Variants in RBFOX1 observed in about 807,000 individuals in gnomAD.
RBFOX1 encodes RNA binding protein fox-1 homolog 1.
In RBFOX1, 8 loss-of-function variants were observed where a neutral mutation model predicts 57.7. The ratio of observed to expected loss-of-function variants is 0.14; its 90% confidence interval spans 0.08 to 0.25. The LOEUF (loss-of-function observed/expected upper bound fraction) is 0.25. Among genes scored for constraint, RBFOX1 ranks in the 10% least tolerant of loss-of-function variants. The pLI, the probability that RBFOX1 is intolerant of heterozygous loss-of-function variation, is 1.00. For missense variants in RBFOX1, 611 were observed against 548.5 expected (o/e 1.11, Z -1.14); for synonymous variants, 326 against 222.4 (o/e 1.47, Z -4.15).
At chr16:6,141,315 G>C (rs9935783) in intron 1 of RBFOX1, among the ~76,000 whole-genome samples, 1 of 152,034 alleles carries the variant, frequency 6.6e-6, no homozygotes, top group African/African-American at 2.4e-5. Context: ...TTACAAGGGC[G>C]ATACGGAAGA....
At chr16:5,341,643 T>G (rs569219608) in intron 1 of RBFOX1, among the ~76,000 whole-genome samples, 1 of 152,340 alleles carries the variant, frequency 6.6e-6, no homozygotes, top group Non-Finnish European at 1.5e-5. Context: ...TTTAATGCTC[T>G]GCTTTTGCCA....
chr16:6,518,730 C>T (rs985690796), intron 2 of RBFOX1, among the ~76,000 whole-genome samples: 2 of 151,768 alleles, frequency 1.3e-5, no homozygotes, highest in Admixed American at 1.3e-4. Context: ...TCCATCCATC[C>T]ATCCATCTAT....
intron 3 of RBFOX1, among the ~76,000 whole-genome samples, chr16:6,764,804 A>G (rs2077098943): frequency 6.6e-6 from 1 of 151,932 alleles, no homozygotes; most frequent in Admixed American, 6.6e-5. Flanking sequence ...AGGCATGGTG[A>G]CGGGTGCCTG....
intron 4 of RBFOX1, among the ~76,000 whole-genome samples, chr16:7,444,618 A>T (rs540546668): frequency 2.0e-5 from 3 of 151,914 alleles, no homozygotes; most frequent in Non-Finnish European, 4.4e-5. Context: ...CTGCAGCCTC[A>T]ACCTCCCAGG....
At chr16:7,386,696 A>G (rs1293494962) in intron 4 of RBFOX1, among the ~76,000 whole-genome samples, 1 of 152,102 alleles carries the variant, frequency 6.6e-6, no homozygotes, top group Non-Finnish European at 1.5e-5. Context: ...ATACGTGTGC[A>G]TGTATCTTTA....
At chr16:5,380,362 G>C (rs903932384) in intron 1 of RBFOX1, among the ~76,000 whole-genome samples, 3 of 152,210 alleles carry the variant, frequency 2.0e-5, no homozygotes, top group African/African-American at 7.2e-5. Context: ...TAGAACAAGA[G>C]ATACATCTGT....
At chr16:6,544,311 G>A (rs2096865488) in intron 2 of RBFOX1, among the ~76,000 whole-genome samples, 1 of 152,174 alleles carries the variant, frequency 6.6e-6, no homozygotes, top group Non-Finnish European at 1.5e-5. Flanking sequence ...TTCAAATCAA[G>A]CATATCTAGA....
chr16:6,576,525 A>G (rs934837923), intron 2 of RBFOX1, among the ~76,000 whole-genome samples: 2 of 152,194 alleles, frequency 1.3e-5, no homozygotes, highest in Non-Finnish European at 1.5e-5. Context: ...ACTTGAGGAC[A>G]TTGAAATGCT....
intron 4 of RBFOX1, among the ~76,000 whole-genome samples, chr16:7,370,069 C>G (rs1038737830): frequency 6.6e-6 from 1 of 152,210 alleles, no homozygotes. Flanking sequence ...AAGCTTGGCA[C>G]TATGACTATG....
chr16:7,626,312 G>A (rs367756327), intron 10 of RBFOX1, among the ~76,000 whole-genome samples: 1 of 152,204 alleles, frequency 6.6e-6, no homozygotes. Flanking sequence ...ATGATCCCCT[G>A]CATGCCGTAT....
intron 3 of RBFOX1, among the ~76,000 whole-genome samples, chr16:6,908,940 T>G (rs1251003367): frequency 6.6e-6 from 1 of 152,300 alleles, no homozygotes; most frequent in East Asian, 1.9e-4. Context: ...TTTGGCATAA[T>G]CTGTGCTTCC....
chr16:6,854,121 C>T (rs1489884002), intron 3 of RBFOX1, among the ~76,000 whole-genome samples: 1 of 152,144 alleles, frequency 6.6e-6, no homozygotes, highest in East Asian at 1.9e-4. Flanking sequence ...AACTCCATTG[C>T]TCTGTATTGT....
intron 4 of RBFOX1, among the ~76,000 whole-genome samples, chr16:7,262,292 T>C (rs1235281237): frequency 6.7e-6 from 1 of 150,026 alleles, no homozygotes; most frequent in Non-Finnish European, 1.5e-5. Flanking sequence ...ATTCTGTCTT[T>C]TCCTGATTGC....
chr16:6,468,771 A>G (rs1193492276), intron 2 of RBFOX1, among the ~76,000 whole-genome samples: 1 of 151,616 alleles, frequency 6.6e-6, no homozygotes, highest in Non-Finnish European at 1.5e-5. Flanking sequence ...TTTATTTCTA[A>G]TTTTATTTTA....
intron 4 of RBFOX1, among the ~76,000 whole-genome samples, chr16:7,163,883 C>T (rs993683334): frequency 1.3e-5 from 2 of 152,108 alleles, no homozygotes; most frequent in Non-Finnish European, 2.9e-5. Flanking sequence ...TGGTATCGAA[C>T]TCCTGACCTC....
chr16:5,875,055 G>C (rs1013583813), intron 4 of RBFOX1, among the ~76,000 whole-genome samples: 3 of 152,190 alleles, frequency 2.0e-5, no homozygotes, highest in African/African-American at 7.2e-5. Flanking sequence ...CTGGTGAGAG[G>C]CTGACTAACC....
intron 4 of RBFOX1, among the ~76,000 whole-genome samples, chr16:5,879,663 G>C (rs747816219): frequency 3.3e-5 from 5 of 152,156 alleles, no homozygotes; most frequent in African/African-American, 7.2e-5. Context: ...TTAGTCAGGA[G>C]AGGCTAAGCT....
chr16:5,565,708 G>T (rs1217456297), intron 2 of RBFOX1, among the ~76,000 whole-genome samples: 1 of 152,072 alleles, frequency 6.6e-6, no homozygotes, highest in Non-Finnish European at 1.5e-5. Context: ...GATAACCTGT[G>T]AAGGCAGTAG....
At chr16:5,628,671 A>C (rs912081010) in intron 3 of RBFOX1, among the ~76,000 whole-genome samples, 1 of 152,228 alleles carries the variant, frequency 6.6e-6, no homozygotes, top group Non-Finnish European at 1.5e-5. Context: ...AAATGATGGA[A>C]GAAGCCTTGC....
Sources: allele counts gnomAD v4.1 joint callset (sites outside exome capture counted in the v4.1 genomes callset), GRCh38; gene constraint gnomAD v4.1.1; transcripts MANE v1.5; gene names NCBI Gene and HGNC (gene_info 2026-07-23, HGNC 2026-07-21).